Variants in ASCC3 observed in about 807,000 individuals in gnomAD.
ASCC3 encodes the protein activating signal cointegrator 1 complex subunit 3.
A neutral mutation model predicts 256.3 loss-of-function variants in ASCC3; 158 were observed. The observed-to-expected ratio is 0.62, with a 90% CI of 0.54 to 0.70. The LOEUF (loss-of-function observed/expected upper bound fraction) is 0.70. ASCC3 is among the 30% of genes least tolerant of loss of function. The pLI is 0.00. For missense variants in ASCC3, 2,259 were observed against 2,626.0 expected (o/e 0.86, Z 3.05); for synonymous variants, 948 against 883.4 (o/e 1.07, Z -1.30).
chr6:100,539,265 ACTTGT>A (rs1417653827), intron 37 of ASCC3, among the ~76,000 whole-genome samples: 1 of 152,158 alleles, frequency 6.6e-6, no homozygotes, highest in Admixed American at 6.5e-5. Flanking sequence ...AAGAAATATC[ACTTGT>A]CAGATTCTAG....
chr6:100,795,026 T>G (rs1247130339), intron 8 of ASCC3, among the ~76,000 whole-genome samples: 1 of 152,018 alleles, frequency 6.6e-6, no homozygotes, highest in Non-Finnish European at 1.5e-5. Context: ...TGGTGGCTCA[T>G]GGGGAGCTGA....
chr6:100,608,172 TTA>T (rs1255463692), intron 30 of ASCC3, among the ~76,000 whole-genome samples: 3 of 24,728 alleles, frequency 1.2e-4, no homozygotes, highest in Non-Finnish European at 3.6e-4. Flanking sequence ...ATATACATAT[TTA>T]TATATGTGTG....
Position 100,820,565 on chromosome 6 carries a change from T to A in ASCC3, c.802-14685A>T, listed in dbSNP as rs569986741. 2.6e-5 allele frequency among the ~76,000 whole-genome samples: 4 copies of A among 151,942 alleles called. No individual in the cohort carries two copies. The South Asian group carries it at 8.3e-4, about 32-fold the overall frequency. Reference sequence around the variant, plus strand: ...AAACATAGGAATAAATCTTTACAGATGTAGATATGGTAAAAAAAAATTCCT... The same window carrying A: ...AAACATAGGAATAAATCTTTACAGAAGTAGATATGGTAAAAAAAAATTCCT... On this transcript the variant is annotated intron_variant, in intron 4 of 41. Transcript: ENST00000369162.
chr6:100,627,246 TAAA>T (rs1774287132), intron 29 of ASCC3, among the ~76,000 whole-genome samples: 1 of 152,170 alleles, frequency 6.6e-6, no homozygotes, highest in Non-Finnish European at 1.5e-5. Flanking sequence ...TGATTTCTCA[TAAA>T]AATGATTATG....
intron 10 of ASCC3, among the ~76,000 whole-genome samples, chr6:100,731,960 G>A (rs939354609): frequency 6.6e-6 from 1 of 151,960 alleles, no homozygotes; most frequent in Non-Finnish European, 1.5e-5. Flanking sequence ...TCAGGAGTTC[G>A]AGAACAGCCT....
intron 9 of ASCC3, 133 bp downstream of exon 9, chr6:100,767,012 A>AAT (rs1371304144): frequency 2.1e-6 from 2 of 970,318 alleles, no homozygotes; most frequent in East Asian, 5.2e-5. Flanking sequence ...TAATGAAGTA[A>AAT]ATCAAACAGT....
Position 100,589,635 on chromosome 6 carries a change from C to A in ASCC3, c.5549G>T (p.Ser1850Ile), listed in dbSNP as rs777583001. 3.1e-6 allele frequency: 5 copies of A among 1,613,188 alleles called. No individual in the cohort carries two copies. The highest frequency in any genetic ancestry group is 1.7e-5 in the Admixed American group (1 of 59,938). The change falls in exon 36 of 42, where the codon AGT (serine) becomes ATT (isoleucine). Residue 1850 changes from serine to isoleucine, a missense_variant and splice_region_variant. Coordinates refer to ENST00000369162, the MANE Select transcript of ASCC3 (RefSeq NM_006828.4). ...ATATGAAATATATGAAAAACTCACA[C>A]TTAGAATTGAAAGCAGTTCTTCAGT... ...CSTEELLSILSDAEEYTDLPV... is the reference protein window; with the variant it reads ...CSTEELLSILIDAEEYTDLPV...
chr6:100,793,199 C>G (rs1301491299), intron 8 of ASCC3, among the ~76,000 whole-genome samples: 1 of 151,902 alleles, frequency 6.6e-6, no homozygotes, highest in Non-Finnish European at 1.5e-5. Flanking sequence ...TGGAAAAAGT[C>G]AAATAGAGAA....
At chr6:100,525,052 G>A (rs776101986) in intron 37 of ASCC3, among the ~76,000 whole-genome samples, 2 of 148,896 alleles carry the variant, frequency 1.3e-5, no homozygotes, top group African/African-American at 4.9e-5. Flanking sequence ...GGTGGTGTGT[G>A]CCTGTGGTCC....
At chr6:100,550,707 T>C (rs1053689715) in intron 36 of ASCC3, among the ~76,000 whole-genome samples, 9 of 151,964 alleles carry the variant, frequency 5.9e-5, no homozygotes, top group African/African-American at 2.2e-4. Flanking sequence ...TTCAACTCTG[T>C]TAGAATTTCA....
intron 25 of ASCC3, among the ~76,000 whole-genome samples, chr6:100,633,434 G>A (rs970001342): frequency 2.0e-5 from 3 of 151,936 alleles, no homozygotes; most frequent in African/African-American, 7.3e-5. Flanking sequence ...ATTTGCCAAG[G>A]AGAAGACAAA....
rs761869535 is a variant in ASCC3, at chr6:100,800,281, A to G, written c.1127+19T>C. The G allele has an allele frequency of 9.9e-6, 16 of 1,610,646 alleles. No individual in the cohort carries two copies. The East Asian group carries it at 2.9e-4, about 29-fold the overall frequency. On this transcript the variant is annotated intron_variant, in intron 6 of 41. Transcript: ENST00000369162. ...AGCAATTACAACACAAGCATTTTTC[A>G]GCTCCTGGCTTTTATTACCTTTGTA...
At chr6:100,852,485 G>A (rs907540902) in intron 3 of ASCC3, among the ~76,000 whole-genome samples, 8 of 152,108 alleles carry the variant, frequency 5.3e-5, no homozygotes, top group African/African-American at 1.9e-4. Context: ...ATAGCCTTTT[G>A]TTCACTTCCC....
At chr6:100,739,812 T>C (rs1780343555) in intron 10 of ASCC3, among the ~76,000 whole-genome samples, 1 of 152,138 alleles carries the variant, frequency 6.6e-6, no homozygotes, top group African/African-American at 2.4e-5. Context: ...TTGTGTTTGA[T>C]TCTTTTCTCT....
At chr6:100,608,125 T>C (rs555197866) in intron 30 of ASCC3, among the ~76,000 whole-genome samples, 243 of 113,618 alleles carry the variant, frequency 2.1e-3, no homozygotes, top group Non-Finnish European at 3.5e-3. Flanking sequence ...TATCTATATA[T>C]ACATATATAT....
intron 4 of ASCC3, among the ~76,000 whole-genome samples, chr6:100,834,091 G>GTCTT (rs1771760851): frequency 2.0e-5 from 3 of 151,980 alleles, no homozygotes; most frequent in Non-Finnish European, 4.4e-5. Context: ...CTAGCTAAAT[G>GTCTT]TCTTATATAT....
chr6:100,798,374 T>G (rs1167543862), intron 8 of ASCC3, among the ~76,000 whole-genome samples: 2 of 152,052 alleles, frequency 1.3e-5, no homozygotes, highest in Non-Finnish European at 2.9e-5. Flanking sequence ...GTATTCTATT[T>G]TATTATAGGT....
At chr6:100,702,297 T>C (rs1282907862) in intron 13 of ASCC3, among the ~76,000 whole-genome samples, 1 of 152,072 alleles carries the variant, frequency 6.6e-6, no homozygotes, top group African/African-American at 2.4e-5. Flanking sequence ...CAAATGAGAC[T>C]GAGGGAGAGA....
chr6:100,805,498 T>C (rs1435909034), intron 5 of ASCC3, among the ~76,000 whole-genome samples: 1 of 152,148 alleles, frequency 6.6e-6, no homozygotes, highest in East Asian at 1.9e-4. Context: ...GTGTACCTCC[T>C]ATATGCAAAA....
Sources: gnomAD v4.1 joint callset for allele counts (sites outside exome capture counted in the v4.1 genomes callset) on GRCh38, gnomAD v4.1.1 for gene constraint, MANE v1.5 for transcripts, NCBI Gene and HGNC (gene_info 2026-07-23, HGNC 2026-07-21) for gene names.